Variants in CHD3 observed in about 807,000 individuals in gnomAD.
CHD3 encodes the protein ATP-dependent chromatin remodeler CHD3.
A neutral mutation model predicts 248.9 loss-of-function variants in CHD3; 52 were observed. That is an observed-to-expected ratio of 0.21 (90% CI 0.17 to 0.26). The LOEUF is 0.26. CHD3 is among the 10% of genes least tolerant of loss of function. The pLI, the probability that CHD3 is intolerant of heterozygous loss-of-function variation, is 1.00. For missense variants in CHD3, 1,482 were observed against 2,605.8 expected (o/e 0.57, Z 9.39); for synonymous variants, 985 against 985.2 (o/e 1.00, Z 0.00).
intron 12 of CHD3, 42 bp from the exon 13 acceptor site, chr17:7,898,454 C>A: frequency 1.4e-6 from 2 of 1,429,516 alleles, no homozygotes; most frequent in South Asian, 1.2e-5. Flanking sequence ...AAGCGTAGGA[C>A]TCCCAAGGAT....
upstream of CHD3, among the ~76,000 whole-genome samples, chr17:7,886,114 T>A (rs942891538): frequency 2.0e-5 from 3 of 152,212 alleles, no homozygotes; most frequent in African/African-American, 7.2e-5. The surrounding 1 kb of genome is among the most constrained non-coding windows in gnomAD (Gnocchi z 4.2). Flanking sequence ...ACTCTCTCGC[T>A]GAAACCACCC....
In CHD3 at chr17:7,894,989, GAGA is replaced by G; in HGVS notation, c.1345_1347del (p.Lys449del). 9 of 1,614,034 alleles carry G rather than the reference GAGA, an allele frequency of 5.6e-6. No individual in the cohort carries two copies. Among genetic ancestry groups the G allele is most frequent in the Non-Finnish European group, 7.6e-6 (9 of 1,179,960 alleles). ...CGAAGAGGAGGGAGAGGAAGAAGGG[GAGA>G]AGGAGGAGGAGGATGATCACATGGA... On this transcript the variant is annotated inframe_deletion, in exon 9 of 40. Coordinates refer to ENST00000330494, the MANE Select transcript of CHD3 (RefSeq NM_001005273.3).
Position 7,897,348 on chromosome 17 carries a change from A to G in CHD3, c.1919+54A>G, listed in dbSNP as rs2151543238. ...CCTGGTATATGACATTATTCTTACC[A>G]TGGTGATGGCCCCATGTTAGTATTT... On this transcript the variant is annotated intron_variant, in intron 11 of 39. Coordinates refer to ENST00000330494, the MANE Select transcript of CHD3 (RefSeq NM_001005273.3). The surrounding 1 kb of genome is among the most constrained non-coding windows in gnomAD (Gnocchi z 4.8). 1.4e-6 allele frequency: 2 copies of G among 1,431,540 alleles called. No individual in the cohort carries two copies. Among genetic ancestry groups the G allele is most frequent in the East Asian group, 2.3e-5 (1 of 43,968 alleles). The allele number at this position is 1,431,540 out of a possible 1,614,324, so 88.7% of individuals were successfully genotyped here. A position where few individuals can be genotyped will look rare whatever the true frequency, so the allele number is the denominator to read the frequency against.
Position 7,899,557 on chromosome 17 carries a change from C to T in CHD3, c.2544+14C>T, listed in dbSNP as rs1970063426. The T allele has an allele frequency of 6.2e-7, 1 of 1,608,242 alleles. No individual in the cohort carries two copies. Among genetic ancestry groups the T allele is most frequent in the African/African-American group, 1.3e-5 (1 of 74,804 alleles). On this transcript the variant is annotated intron_variant, in intron 15 of 39. Coordinates refer to ENST00000330494, the MANE Select transcript of CHD3 (RefSeq NM_001005273.3). This position sits in a 1 kb window ranked among gnomAD's most constrained non-coding sequence, Gnocchi z 6.8. ...TTTAAGATGAAGGTAAGACCCTCTA[C>T]CTCATATCCTCTGAGACCCTCAAAG...
chr17:7,888,447 TA>T (rs1968332223), upstream of CHD3, among the ~76,000 whole-genome samples: 1 of 152,208 alleles, frequency 6.6e-6, no homozygotes, highest in African/African-American at 2.4e-5. Flanking sequence ...CTCTCTGTAC[TA>T]GACAGGTCTG....
Position 7,893,402 on chromosome 17 carries a change from T to TGGCGGC in CHD3, c.630_635dup (p.Ala218_Ala219dup), listed in dbSNP as rs757920522. 1.2e-6 allele frequency: 2 copies of TGGCGGC among 1,612,662 alleles called. No homozygotes were observed. ...CCCTTCAAGGGGTCAGCAGCTGCTG[T>TGGCGGC]GGCGGCGGCAGCGGCAGCAGCAGCA... On this transcript the variant is annotated inframe_insertion, in exon 5 of 40. Transcript: ENST00000330494.
At position 7,906,797 on chromosome 17, in the gene CHD3, C is replaced by T. The variant is rs180880011; in HGVS notation, c.4504-72C>T. The stretch of plus-strand genomic sequence containing the variant: ...GTTGTAAGCTTGCGCTGGTGTGAGA[C>T]GGAGGAGACTGGAGCTTCCTGTCTG... On this transcript the variant is annotated intron_variant, in intron 29 of 39. Transcript: ENST00000330494. This position sits in a 1 kb window ranked among gnomAD's most constrained non-coding sequence, Gnocchi z 5.0. 249 of 1,597,562 alleles carry T rather than the reference C, an allele frequency of 1.6e-4. No homozygotes were observed. The highest frequency in any genetic ancestry group is 2.8e-4 in the African/African-American group (21 of 74,504).
chr17:7,888,531 C>T (rs143237578), upstream of CHD3, among the ~76,000 whole-genome samples: 1 of 152,184 alleles, frequency 6.6e-6, no homozygotes, highest in African/African-American at 2.4e-5. Flanking sequence ...GTGGGGCATC[C>T]TGTCTTCCTT....
At chr17:7,885,491 C>T (rs1269994651), upstream of CHD3, among the ~76,000 whole-genome samples, 3 of 151,446 alleles carry the variant, frequency 2.0e-5, no homozygotes, top group Non-Finnish European at 3.0e-5. Flanking sequence ...GAAGCCAGGG[C>T]CCCCTCCCTG....
intron 20 of CHD3, among the ~76,000 whole-genome samples, chr17:7,901,758 G>A (rs1350294602): frequency 2.6e-5 from 4 of 151,908 alleles, no homozygotes; most frequent in Non-Finnish European, 5.9e-5. Context: ...TGATCTGCCC[G>A]CCTCGGTCTC....
rs1598007066 is a variant in CHD3, at chr17:7,908,887, C to G, written c.5394+58C>G. ...GACGGGCTTGGGTCAGAAGTGAGAC[C>G]AGATCTAGTTGGAACCTAGGGAAGG... On this transcript the variant is annotated intron_variant, in intron 36 of 39. Coordinates refer to ENST00000330494, the MANE Select transcript of CHD3 (RefSeq NM_001005273.3). The surrounding 1 kb of genome is among the most constrained non-coding windows in gnomAD (Gnocchi z 5.8). The G allele has an allele frequency of 6.2e-7, 1 of 1,608,690 alleles. No homozygotes were observed. Among genetic ancestry groups the G allele is most frequent in the East Asian group, 2.2e-5 (1 of 44,852 alleles).
Position 7,894,626 on chromosome 17 carries a change from G to T in CHD3, c.1269+18G>T. The T allele has an allele frequency of 7.5e-6, 12 of 1,598,398 alleles. No homozygotes were observed. The highest frequency in any genetic ancestry group is 1.0e-5 in the Non-Finnish European group (12 of 1,168,478). On this transcript the variant is annotated intron_variant, in intron 8 of 39. Coordinates refer to ENST00000330494, the MANE Select transcript of CHD3 (RefSeq NM_001005273.3). ...CTCACTGTGTGAGTACCTAATGCCA[G>T]CATCTGATGGCCCTGAGGAACCCAC...
Position 7,893,368 on chromosome 17 carries a change from G to A in CHD3, c.592G>A (p.Ala198Thr). The change falls in exon 5 of 40, where the codon GCC becomes ACC. Residue 198 changes from alanine to threonine, a missense_variant. By Grantham distance (58) the Ala-to-Thr change is moderately conservative. Around this residue, in one of 20 missense-constraint regions of CHD3, gnomAD observed 30 missense variants for 83.5 expected, o/e 0.36. Coordinates refer to ENST00000330494, the MANE Select transcript of CHD3 (RefSeq NM_001005273.3). ...TGGGGCCAAATGGAGAGAGTTCAGT[G>A]CCAACAACCCCTTCAAGGGGTCAGC... The part of the protein sequence containing the change: ...ILGAKWREFS[A>T]NNPFKGSAAA... 4.3e-6 allele frequency: 7 copies of A among 1,613,880 alleles called. No homozygotes were observed. Among genetic ancestry groups the A allele is most frequent in the Non-Finnish European group, 5.9e-6 (7 of 1,179,922 alleles).
chr17:7,911,315 G>A lies in CHD3; in HGVS notation c.5882-149G>A. On this transcript the variant is annotated intron_variant, in intron 39 of 39. Transcript: ENST00000330494. This position sits in a 1 kb window ranked among gnomAD's most constrained non-coding sequence, Gnocchi z 5.4. Reference sequence around the variant, plus strand: ...CATGTAGCACAAAGTGGAATCTCAGGGAAAGGGGTTTGCCCGGGTCTTCCC... The same window carrying A: ...CATGTAGCACAAAGTGGAATCTCAGAGAAAGGGGTTTGCCCGGGTCTTCCC... The A allele has an allele frequency of 8.2e-7, 1 of 1,216,152 alleles. No individual in the cohort carries two copies. The highest frequency in any genetic ancestry group is 2.3e-5 in the East Asian group (1 of 42,792). The allele number at this position is 1,216,152 out of a possible 1,614,324, so 75.3% of individuals were successfully genotyped here.
In CHD3 at chr17:7,906,786, C is replaced by T; in HGVS notation, c.4504-83C>T. 1 of 1,591,720 alleles carries T rather than the reference C, an allele frequency of 6.3e-7. No individual in the cohort carries two copies. Among genetic ancestry groups the T allele is most frequent in the South Asian group, 1.1e-5 (1 of 87,866 alleles). Reference sequence around the variant, plus strand: ...TCTGTCCCTGAGTTGTAAGCTTGCGCTGGTGTGAGACGGAGGAGACTGGAG... The same window carrying T: ...TCTGTCCCTGAGTTGTAAGCTTGCGTTGGTGTGAGACGGAGGAGACTGGAG... On this transcript the variant is annotated intron_variant, in intron 29 of 39. Coordinates refer to ENST00000330494, the MANE Select transcript of CHD3 (RefSeq NM_001005273.3). This position sits in a 1 kb window ranked among gnomAD's most constrained non-coding sequence, Gnocchi z 5.0.
chr17:7,894,688 C>T (rs1969394038), intron 8 of CHD3, 80 bp downstream of exon 8: 1 of 1,477,306 alleles, frequency 6.8e-7, no homozygotes, highest in South Asian at 1.3e-5. Flanking sequence ...TACCCTCTTC[C>T]TGCCCCCAGA....
At chr17:7,902,018 A>G (rs1386754876) in intron 20 of CHD3, among the ~76,000 whole-genome samples, 7 of 152,192 alleles carry the variant, frequency 4.6e-5, no homozygotes, top group African/African-American at 1.2e-4. Flanking sequence ...CTGCACATAC[A>G]ATGACACAAT....
At chr17:7,890,429 CAAA>C in intron 2 of CHD3, 139 bp from the exon 3 acceptor site, 5 of 503,614 alleles carry the variant, frequency 9.9e-6, no homozygotes, top group Non-Finnish European at 9.7e-6. Context: ...ACTCCATCTC[CAAA>C]AAAAAAAAGG....
At position 7,900,740 on chromosome 17, in the gene CHD3, C is replaced by G; in HGVS notation, c.2978+9C>G. The G allele has an allele frequency of 6.2e-7, 1 of 1,610,892 alleles. No homozygotes were observed. The highest frequency in any genetic ancestry group is 8.5e-7 in the Non-Finnish European group (1 of 1,177,244). On this transcript the variant is annotated intron_variant, in intron 18 of 39. Coordinates refer to ENST00000330494, the MANE Select transcript of CHD3 (RefSeq NM_001005273.3). The surrounding 1 kb of genome is among the most constrained non-coding windows in gnomAD (Gnocchi z 6.5). ...CTAAGCCCCATGCAGAAGTAAGATG[C>G]AAGACGAGCTGCCTGGAGTAGGGCT...
Sources: allele counts gnomAD v4.1 joint callset (sites outside exome capture counted in the v4.1 genomes callset), GRCh38; gene constraint gnomAD v4.1.1; regional missense constraint gnomAD v4.1.1; non-coding constraint Gnocchi (gnomAD v3.1); transcripts MANE v1.5; gene names NCBI Gene and HGNC (gene_info 2026-07-23, HGNC 2026-07-21).